The following LARS2 variants were observed in gnomAD, a reference collection of about 807,000 sequenced individuals.
LARS2 encodes leucine--tRNA ligase, mitochondrial.
LARS2 carries 81 observed loss-of-function variants against 116.6 expected under a neutral mutation model. The ratio of observed to expected loss-of-function variants is 0.69; its 90% CI spans 0.58 to 0.84. The LOEUF is 0.84. LARS2 is among the 40% of genes least tolerant of loss of function. The pLI is 0.00. For synonymous variants in LARS2, 396 were observed against 407.2 expected (o/e 0.97, Z 0.33); for missense variants, 968 against 1,114.5 (o/e 0.87, Z 1.87).
chr3:45,389,408 G>A (rs963025134), intron 1 of LARS2, among the ~76,000 whole-genome samples: 5 of 152,182 alleles, frequency 3.3e-5, no homozygotes, highest in African/African-American at 1.2e-4. Context: ...TCAGCAGCCC[G>A]TCAGCTCTGC....
intron 20 of LARS2, among the ~76,000 whole-genome samples, chr3:45,539,978 A>G (rs746846602): frequency 2.6e-5 from 4 of 152,206 alleles, no homozygotes; most frequent in Admixed American, 6.5e-5. Context: ...TAAGTTTAAA[A>G]TGCTATCTGG....
intron 16 of LARS2, among the ~76,000 whole-genome samples, chr3:45,514,949 A>T (rs1644397767): frequency 6.6e-6 from 1 of 152,146 alleles, no homozygotes; most frequent in East Asian, 1.9e-4. Flanking sequence ...AGTCTTGCCT[A>T]CTGGGTGAGA....
chr3:45,453,287 C>G (rs1575264722), intron 7 of LARS2, among the ~76,000 whole-genome samples: 1 of 152,038 alleles, frequency 6.6e-6, no homozygotes. Context: ...TCCTGTTGAT[C>G]TCTCTTCAAA....
intron 6 of LARS2, among the ~76,000 whole-genome samples, chr3:45,423,980 A>G (rs1698554053): frequency 6.6e-6 from 1 of 152,214 alleles, no homozygotes; most frequent in South Asian, 2.1e-4. Flanking sequence ...TTGCCAGGAT[A>G]GTACAGAGAG....
chr3:45,496,143 G>A (rs1273543234), intron 13 of LARS2, 132 bp from the exon 14 acceptor site: 1 of 690,056 alleles, frequency 1.4e-6, no homozygotes, highest in East Asian at 2.8e-5. Context: ...ACAAGCGTGA[G>A]CCACCACACC....
intron 4 of LARS2, among the ~76,000 whole-genome samples, chr3:45,415,954 A>T (rs1698414185): frequency 6.7e-6 from 1 of 150,330 alleles, no homozygotes; most frequent in African/African-American, 2.5e-5. Context: ...TAAATGATGT[A>T]TAGGGCTTAG....
chr3:45,446,853 A>G, intron 6 of LARS2, 38 bp from the exon 7 acceptor site: 1 of 1,299,334 alleles, frequency 7.7e-7, no homozygotes, highest in Non-Finnish European at 1.1e-6. Flanking sequence ...GGGGATGTTT[A>G]TAATGGCCTG....
intron 4 of LARS2, among the ~76,000 whole-genome samples, chr3:45,401,091 G>A (rs1160119501): frequency 6.6e-6 from 1 of 152,154 alleles, no homozygotes; most frequent in African/African-American, 2.4e-5. Context: ...GATTACAGGT[G>A]TGAGCCACCA....
chr3:45,396,741 T>A (rs1483347268), intron 3 of LARS2, among the ~76,000 whole-genome samples: 1 of 152,236 alleles, frequency 6.6e-6, no homozygotes, highest in African/African-American at 2.4e-5. Context: ...GGTATTATTA[T>A]CCTCATTTTT....
Position 45,458,774 on chromosome 3 carries a change from C to T in LARS2, c.638C>T (p.Thr213Ile). Residue 213 changes from threonine to isoleucine, a missense_variant, in exon 8 of 22, where the codon ACA becomes ATA. Thr to Ile is a moderately conservative substitution (Grantham distance 89, BLOSUM62 -1). Coordinates refer to ENST00000645846, the MANE Select transcript of LARS2 (RefSeq NM_015340.4). ...GTTAACTGGGACCCAGTGGATCAAA[C>T]AGTGCTTGCCAATGAGCAGGTGGAT... ...ALVNWDPVDQTVLANEQVDEH... is the reference protein window; with the variant it reads ...ALVNWDPVDQIVLANEQVDEH... 1 of 1,613,984 alleles carries T rather than the reference C, an allele frequency of 6.2e-7. No homozygotes were observed. Among genetic ancestry groups the T allele is most frequent in the Admixed American group, 1.7e-5 (1 of 60,020 alleles).
intron 3 of LARS2, among the ~76,000 whole-genome samples, chr3:45,398,573 A>G (rs923188800): frequency 6.6e-6 from 1 of 152,228 alleles, no homozygotes; most frequent in Non-Finnish European, 1.5e-5. Flanking sequence ...GTGACGAAAC[A>G]GAATCAGTTA....
Position 45,517,923 on chromosome 3 carries a change from C to T in LARS2, c.2065C>T (p.Leu689=). The T allele has an allele frequency of 1.2e-6, 2 of 1,613,478 alleles. No homozygotes were observed. The highest frequency in any genetic ancestry group is 1.7e-6 in the Non-Finnish European group (2 of 1,179,720). Residue 689 remains leucine (L), a synonymous_variant, in exon 18 of 22, where the codon CTG becomes TTG. Coordinates refer to ENST00000645846, the MANE Select transcript of LARS2 (RefSeq NM_015340.4). ...TTCAGCTGATGCTCTCCCTGGGGTG[C>T]TGAGATGGCAACAACGACTGTGGAC... is the stretch of plus-strand genomic sequence containing the variant. ...DVKTDALPGV[L]RWQQRLWTLT... is the part of the protein sequence containing the mutation.
chr3:45,537,139 G>C (rs1043296027), intron 20 of LARS2, among the ~76,000 whole-genome samples: 2 of 151,878 alleles, frequency 1.3e-5, no homozygotes, highest in Non-Finnish European at 1.5e-5. Context: ...TAACATTTCT[G>C]TTTCTCTGGC....
intron 18 of LARS2, 132 bp downstream of exon 18, chr3:45,518,204 CCTT>C (rs139669473): frequency 2.4e-4 from 156 of 646,824 alleles, no homozygotes; most frequent in Non-Finnish European, 3.9e-4. Context: ...CAATGGCGGT[CCTT>C]CTTGCTTTGA....
intron 10 of LARS2, among the ~76,000 whole-genome samples, chr3:45,482,066 A>G (rs1432152431): frequency 1.3e-5 from 2 of 152,168 alleles, no homozygotes; most frequent in Non-Finnish European, 2.9e-5. Flanking sequence ...GCACATGGTC[A>G]TGTTACTTTT....
chr3:45,548,817 T>C lies in LARS2; in HGVS notation c.*1287T>C, dbSNP rs532426426. The stretch of plus-strand genomic sequence containing the variant: ...TTAACAGATGACTTTTTTAGTGTAA[T>C]AAAATGTTTATCATCTATGACTTCA... On this transcript the variant is annotated 3_prime_UTR_variant, in exon 22 of 22. Transcript: ENST00000645846. 1 of 152,326 alleles carries C rather than the reference T, an allele frequency of 6.6e-6. No homozygotes were observed. Among genetic ancestry groups the C allele is most frequent in the East Asian group, 1.9e-4 (1 of 5,186 alleles). 9.4% of individuals were successfully genotyped at this position (152,326 alleles called of 1,614,324 possible). A position where few individuals can be genotyped will look rare whatever the true frequency, so the allele number is the denominator to read the frequency against.
intron 15 of LARS2, among the ~76,000 whole-genome samples, chr3:45,510,753 G>C (rs1700276757): frequency 6.6e-6 from 1 of 152,222 alleles, no homozygotes; most frequent in South Asian, 2.1e-4. Context: ...ATTTGGACTT[G>C]ATTGGGAGGA....
Position 45,524,061 on chromosome 3 carries a change from T to C in LARS2, c.2357T>C (p.Val786Ala). ...GAGGATGCTTTGTGTGCCCTGATGGTAATGGCTGCTCCACTGGCCCCTCAT... is the reference window on the plus strand; with the variant it reads ...GAGGATGCTTTGTGTGCCCTGATGGCAATGGCTGCTCCACTGGCCCCTCAT... Reference protein sequence around the residue: ...EFEDALCALMVMAAPLAPHVT... With the variant: ...EFEDALCALMAMAAPLAPHVT... The change falls in exon 20 of 22, where the codon GTA becomes GCA. Residue 786 changes from valine (V) to alanine (A), a missense_variant. Coordinates refer to ENST00000645846, the MANE Select transcript of LARS2 (RefSeq NM_015340.4). 1 of 1,614,056 alleles carries C rather than the reference T, an allele frequency of 6.2e-7. No individual in the cohort carries two copies. The highest frequency in any genetic ancestry group is 8.5e-7 in the Non-Finnish European group (1 of 1,179,930).
intron 15 of LARS2, among the ~76,000 whole-genome samples, chr3:45,506,442 T>C (rs1360435990): frequency 1.3e-5 from 2 of 152,128 alleles, no homozygotes; most frequent in East Asian, 1.9e-4. Context: ...CAAGCTGGGC[T>C]GGGAGGAAAA....
Sources: gnomAD v4.1 joint callset for allele counts (sites outside exome capture counted in the v4.1 genomes callset) on GRCh38, gnomAD v4.1.1 for gene constraint, MANE v1.5 for transcripts, NCBI Gene and HGNC (gene_info 2026-07-23, HGNC 2026-07-21) for gene names.